Variants in CDH9 observed in about 807,000 individuals in gnomAD.
CDH9 encodes cadherin 9.
Under a neutral mutation model 70.9 loss-of-function variants are expected in CDH9, and 28 were observed. The ratio of observed to expected loss-of-function variants is 0.40; its 90% CI spans 0.29 to 0.54. The LOEUF is 0.54. Among genes scored for constraint, CDH9 ranks in the 20% least tolerant of loss-of-function variants. The pLI is 0.59. For synonymous variants in CDH9, 409 were observed against 343.1 expected (o/e 1.19, Z -2.12); for missense variants, 874 against 984.4 (o/e 0.89, Z 1.50).
chr5:26,882,107 G>C (rs1740478285), intron 11 of CDH9, among the ~76,000 whole-genome samples: 1 of 151,970 alleles, frequency 6.6e-6, no homozygotes, highest in Non-Finnish European at 1.5e-5. Flanking sequence ...TATATTATGA[G>C]TGTACATACA....
chr5:26,900,366 A>G (rs1309989900), intron 7 of CDH9, among the ~76,000 whole-genome samples: 1 of 152,074 alleles, frequency 6.6e-6, no homozygotes, highest in Non-Finnish European at 1.5e-5. Context: ...TACCAAATTT[A>G]GACAAAAACA....
chr5:26,886,560 AAAAT>A (rs1276937041), intron 9 of CDH9, among the ~76,000 whole-genome samples: 5 of 151,972 alleles, frequency 3.3e-5, no homozygotes, highest in Admixed American at 1.3e-4. Context: ...ATATATTTTT[AAAAT>A]AAATAAATTT....
At chr5:26,929,429 A>G (rs981535804) in intron 2 of CDH9, among the ~76,000 whole-genome samples, 10 of 152,074 alleles carry the variant, frequency 6.6e-5, no homozygotes, top group Non-Finnish European at 1.5e-5. Context: ...AAAGCAGTTT[A>G]GAGGTTCTTC....
intron 1 of CDH9, among the ~76,000 whole-genome samples, chr5:26,993,698 CAA>C (rs34545141): frequency 2.5e-4 from 13 of 51,000 alleles, no homozygotes; most frequent in Non-Finnish European, 3.6e-4. Flanking sequence ...TATTCAGCTG[CAA>C]AAAAAAAAAA....
At chr5:26,963,660 C>T (rs6883533) in intron 2 of CDH9, among the ~76,000 whole-genome samples, 39,333 of 151,922 alleles carry the variant, frequency 0.26, 7,132 homozygotes, top group African/African-American at 0.51. Flanking sequence ...AAAATGAGCA[C>T]AAATTCAAAT....
At chr5:26,980,111 T>C (rs1742375184) in intron 2 of CDH9, among the ~76,000 whole-genome samples, 1 of 151,844 alleles carries the variant, frequency 6.6e-6, no homozygotes, top group South Asian at 2.1e-4. Context: ...TTTTAAAATG[T>C]AGTTTTTTCT....
chr5:26,884,075 T>C (rs1374388893), intron 11 of CDH9, among the ~76,000 whole-genome samples: 1 of 151,958 alleles, frequency 6.6e-6, no homozygotes, highest in African/African-American at 2.4e-5. Context: ...TTAACTACAA[T>C]AATAAAAAAT....
At chr5:27,012,895 G>T (rs766741244) in intron 1 of CDH9, among the ~76,000 whole-genome samples, 1 of 151,964 alleles carries the variant, frequency 6.6e-6, no homozygotes, top group Admixed American at 6.6e-5. Context: ...ATCTGAAAAT[G>T]AGCAAACTCG....
intron 2 of CDH9, among the ~76,000 whole-genome samples, chr5:26,979,872 T>C (rs919340): frequency 0.47 from 71,740 of 151,448 alleles, 17,802 homozygotes; most frequent in African/African-American, 0.52. Context: ...CTAATAACTG[T>C]ATTAAAATAA....
At chr5:26,925,139 A>G (rs1741314192) in intron 2 of CDH9, among the ~76,000 whole-genome samples, 1 of 152,126 alleles carries the variant, frequency 6.6e-6, no homozygotes, top group Non-Finnish European at 1.5e-5. Context: ...TGTCTTCCAC[A>G]ATGGTTGAAT....
chr5:26,974,141 G>A (rs1372506959), intron 2 of CDH9, among the ~76,000 whole-genome samples: 1 of 152,078 alleles, frequency 6.6e-6, no homozygotes, highest in Non-Finnish European at 1.5e-5. Flanking sequence ...CTACTCAGGA[G>A]GCTGAGACTA....
intron 2 of CDH9, among the ~76,000 whole-genome samples, chr5:26,929,216 T>C (rs1741398140): frequency 1.3e-5 from 2 of 152,040 alleles, no homozygotes; most frequent in South Asian, 4.1e-4. Context: ...TAAATGCAAA[T>C]GGCAAACACG....
chr5:26,954,717 AC>A (rs1741916209), intron 2 of CDH9, among the ~76,000 whole-genome samples: 1 of 152,120 alleles, frequency 6.6e-6, no homozygotes, highest in Non-Finnish European at 1.5e-5. Context: ...TTGAAAAAAA[AC>A]AAATTACCAC....
intron 2 of CDH9, among the ~76,000 whole-genome samples, chr5:26,930,033 G>A (rs1282794897): frequency 6.6e-6 from 1 of 151,984 alleles, no homozygotes; most frequent in Admixed American, 6.6e-5. Context: ...AAAAGCTTAA[G>A]GTAGTGGACA....
In CDH9 at chr5:26,914,506, T is replaced by C. The variant is rs138753858; in HGVS notation, c.523+1124A>G. Among the ~76,000 whole-genome samples the C allele has an allele frequency of 4.1e-3, 626 of 152,164 alleles. 5 individuals are homozygous for C. The highest frequency in any genetic ancestry group is 0.014 in the African/African-American group (595 of 41,586). Reference sequence around the variant, plus strand: ...TTCACAGGACTCCTGTCTAATTTGATAAATTCCTTTTGTTTTATTAGAGTG... The same window carrying C: ...TTCACAGGACTCCTGTCTAATTTGACAAATTCCTTTTGTTTTATTAGAGTG... On this transcript the variant is annotated intron_variant, in intron 3 of 11. Coordinates refer to ENST00000231021, the MANE Select transcript of CDH9 (RefSeq NM_016279.4).
At chr5:26,969,404 G>T (rs1365807436) in intron 2 of CDH9, among the ~76,000 whole-genome samples, 1 of 151,864 alleles carries the variant, frequency 6.6e-6, no homozygotes, top group Non-Finnish European at 1.5e-5. Flanking sequence ...TTTCACTATT[G>T]TTTTAATATT....
chr5:26,996,283 T>A (rs1203369092), intron 1 of CDH9, among the ~76,000 whole-genome samples: 1 of 152,032 alleles, frequency 6.6e-6, no homozygotes. Context: ...CTATTGATCT[T>A]CAAAATGCAA....
chr5:26,945,497 ATATGTGGT>A (rs1741737042), intron 2 of CDH9, among the ~76,000 whole-genome samples: 2 of 152,100 alleles, frequency 1.3e-5, no homozygotes, highest in African/African-American at 4.8e-5. Context: ...ATGTTTATAA[ATATGTGGT>A]AATGTTGCTA....
intron 2 of CDH9, among the ~76,000 whole-genome samples, chr5:26,936,323 T>C (rs1741558160): frequency 6.6e-6 from 1 of 151,968 alleles, no homozygotes; most frequent in Admixed American, 6.6e-5. Context: ...AAAGACAAAA[T>C]TATCTACATT....
Sources: allele counts gnomAD v4.1 joint callset (sites outside exome capture counted in the v4.1 genomes callset), GRCh38; gene constraint gnomAD v4.1.1; transcripts MANE v1.5; gene names NCBI Gene and HGNC (gene_info 2026-07-23, HGNC 2026-07-21).